The following BCL7C variants were observed in gnomAD, a reference collection of about 807,000 sequenced individuals.
BCL7C encodes B-cell CLL/lymphoma 7 protein family member C.
Under a neutral mutation model 26.2 loss-of-function variants are expected in BCL7C, and 8 were observed. That is an observed-to-expected ratio of 0.30 (90% CI 0.18 to 0.55). The LOEUF is 0.55. BCL7C is among the 20% of genes least tolerant of loss of function. The pLI is 0.93. For synonymous variants in BCL7C, 90 were observed against 116.5 expected, an observed-to-expected ratio of 0.77 and a Z score of 1.47; for missense variants, 262 against 298.5, an observed-to-expected ratio of 0.88 and a Z score of 0.90.
chr16:30,865,890 A>ATTTTT (rs4046092), intron 5 of BCL7C, among the ~76,000 whole-genome samples: 2 of 137,088 alleles, frequency 1.5e-5, no homozygotes, highest in Non-Finnish European at 1.6e-5. Context: ...CAGTGCCCTA[A>ATTTTT]TTTTTTTTTT....
At chr16:30,851,887 G>A (rs966177807) in intron 5 of BCL7C, 6 of 225,252 alleles carry the variant, frequency 2.7e-5, no homozygotes, top group East Asian at 9.7e-5. Context: ...GAAATGGTTC[G>A]TTGTTGTTGC....
intron 5 of BCL7C, among the ~76,000 whole-genome samples, chr16:30,877,981 C>T (rs1184649834): frequency 6.7e-6 from 1 of 149,934 alleles, no homozygotes; most frequent in South Asian, 2.1e-4. Flanking sequence ...TCGAGACCAG[C>T]CTGGACAACA....
intron 5 of BCL7C, among the ~76,000 whole-genome samples, chr16:30,844,997 T>C (rs1413554113): frequency 6.6e-6 from 1 of 152,200 alleles, no homozygotes; most frequent in Non-Finnish European, 1.5e-5. Context: ...AGTGGTTCTC[T>C]GCCCTAGATG....
At chr16:30,875,457 C>A (rs2054934362) in intron 5 of BCL7C, 1 of 152,350 alleles carries the variant, frequency 6.6e-6, no homozygotes, top group Admixed American at 6.5e-5. Context: ...GCTGCGCCGC[C>A]GGCCTTTGTC....
At chr16:30,856,128 T>A (rs538092899) in intron 5 of BCL7C, among the ~76,000 whole-genome samples, 1 of 150,998 alleles carries the variant, frequency 6.6e-6, no homozygotes, top group South Asian at 2.1e-4. Flanking sequence ...TGTCTCATCA[T>A]TTTTGGTTGA....
At chr16:30,882,706 C>T (rs1459740424) in intron 5 of BCL7C, among the ~76,000 whole-genome samples, 1 of 152,162 alleles carries the variant, frequency 6.6e-6, no homozygotes, top group Admixed American at 6.6e-5. Context: ...TAACTGGGGG[C>T]AGTGGCATGG....
chr16:30,876,578 G>A (rs2054953442), intron 5 of BCL7C, among the ~76,000 whole-genome samples: 1 of 152,150 alleles, frequency 6.6e-6, no homozygotes, highest in Non-Finnish European at 1.5e-5. Flanking sequence ...ATTCTAGCAG[G>A]GGAAGTGAGA....
chr16:30,857,479 G>A (rs1055682371), intron 5 of BCL7C, among the ~76,000 whole-genome samples: 1 of 151,700 alleles, frequency 6.6e-6, no homozygotes, highest in African/African-American at 2.4e-5. Context: ...TCTGGAAACA[G>A]AGCTTTTGTT....
rs2055287059 is a variant in BCL7C at position 30,893,313 on chromosome 16, G to C, written c.93-23C>G. The C allele has an allele frequency of 3.1e-6, 5 of 1,607,402 alleles. No individual in the cohort carries two copies. The highest frequency in any genetic ancestry group is 4.3e-6 in the Non-Finnish European group (5 of 1,175,512). ...TCCCTGTGGGAGGGTGGGGGGCTGG[G>C]TCAGAGAGGCCTGAGGGGAGACCCA... On this transcript the variant is annotated intron_variant, in intron 1 of 5. Coordinates refer to ENST00000215115, the MANE Select transcript of BCL7C (RefSeq NM_004765.4). The surrounding 1 kb of genome is among the most constrained non-coding windows in gnomAD (Gnocchi z 5.2).
chr16:30,854,823 T>C (rs1031752474), intron 5 of BCL7C, among the ~76,000 whole-genome samples: 7 of 151,482 alleles, frequency 4.6e-5, no homozygotes, highest in African/African-American at 1.5e-4. Context: ...TGCCTCAACC[T>C]CCTGAGTGCC....
At chr16:30,854,701 CACTT>C (rs1406290394) in intron 5 of BCL7C, among the ~76,000 whole-genome samples, 2 of 120,918 alleles carry the variant, frequency 1.7e-5, no homozygotes, top group East Asian at 6.3e-4. Flanking sequence ...ACTCACCACT[CACTT>C]TCTTTTTTTT....
intron 5 of BCL7C, among the ~76,000 whole-genome samples, chr16:30,856,439 T>A (rs1311713562): frequency 6.9e-5 from 8 of 116,566 alleles, no homozygotes; most frequent in Admixed American, 9.5e-5. Flanking sequence ...AGACTCCGTC[T>A]AAAAAAAAAA....
At chr16:30,858,855 T>C (rs2054746464) in intron 5 of BCL7C, among the ~76,000 whole-genome samples, 1 of 152,126 alleles carries the variant, frequency 6.6e-6, no homozygotes, top group Non-Finnish European at 1.5e-5. Flanking sequence ...GATAAGCATC[T>C]AGACATAGCC....
intron 5 of BCL7C, among the ~76,000 whole-genome samples, chr16:30,880,452 C>A (rs1417874818): frequency 1.4e-4 from 21 of 151,622 alleles, no homozygotes; most frequent in Admixed American, 5.9e-4. Context: ...GTAATCCCAG[C>A]ACTTTGGGAG....
chr16:30,862,720 C>T (rs764873317), intron 5 of BCL7C, among the ~76,000 whole-genome samples: 2 of 152,106 alleles, frequency 1.3e-5, no homozygotes, highest in Non-Finnish European at 2.9e-5. Flanking sequence ...AACCCCAAAC[C>T]CTTCTACAAA....
chr16:30,853,052 C>T (rs1280417078), intron 5 of BCL7C, among the ~76,000 whole-genome samples: 3 of 152,026 alleles, frequency 2.0e-5, no homozygotes, highest in Admixed American at 6.6e-5. Flanking sequence ...TCTCCTGTCT[C>T]TGCCTCCCGA....
downstream of BCL7C, among the ~76,000 whole-genome samples, chr16:30,887,285 G>A (rs1376497856): frequency 1.3e-5 from 2 of 151,704 alleles, no homozygotes; most frequent in African/African-American, 4.9e-5. Context: ...CTCCAGCCTG[G>A]GCAACAAGAG....
At chr16:30,858,953 T>C (rs1208448028) in intron 5 of BCL7C, among the ~76,000 whole-genome samples, 1 of 152,098 alleles carries the variant, frequency 6.6e-6, no homozygotes, top group African/African-American at 2.4e-5. Flanking sequence ...GGAACGAGAA[T>C]CCTCTAAGGG....
chr16:30,879,955 A>G (rs540420546), intron 5 of BCL7C, among the ~76,000 whole-genome samples: 89 of 151,034 alleles, frequency 5.9e-4, no homozygotes, highest in Non-Finnish European at 1.1e-3. Flanking sequence ...ACGCCACTGC[A>G]CTCCAGCCTG....
Sources: allele counts gnomAD v4.1 joint callset (sites outside exome capture counted in the v4.1 genomes callset), GRCh38; gene constraint gnomAD v4.1.1; non-coding constraint Gnocchi (gnomAD v3.1); transcripts MANE v1.5; gene names NCBI Gene and HGNC (gene_info 2026-07-23, HGNC 2026-07-21).